GPC5: variants seen among roughly 807,000 people sequenced by gnomAD.
The protein encoded by GPC5 is glypican 5.
GPC5 carries 47 observed loss-of-function variants against 53.9 expected under a neutral mutation model. The observed-to-expected ratio is 0.87, with a 90% CI of 0.69 to 1.11. The LOEUF (loss-of-function observed/expected upper bound fraction) is 1.11. GPC5 is among the 50% of genes most tolerant of loss of function. The pLI is 0.00. For missense variants in GPC5, 748 were observed against 713.1 expected (o/e 1.05, Z -0.56); for synonymous variants, 286 against 263.3 (o/e 1.09, Z -0.84).
intron 7 of GPC5, among the ~76,000 whole-genome samples, chr13:92,206,159 TTTTTTTTA>T (rs1354223834): frequency 1.1e-3 from 64 of 56,772 alleles, no homozygotes; most frequent in African/African-American, 6.3e-3. Flanking sequence ...TTTTTTATTT[TTTTTTTTA>T]TTTTTTTTTT....
intron 2 of GPC5, among the ~76,000 whole-genome samples, chr13:91,680,335 G>C (rs1402860169): frequency 6.6e-6 from 1 of 152,180 alleles, no homozygotes; most frequent in African/African-American, 2.4e-5. Context: ...TGTAATCCCA[G>C]CTACTCTGGA....
At chr13:92,484,502 G>T (rs1879479869) in intron 7 of GPC5, 1 of 152,110 alleles carries the variant, frequency 6.6e-6, no homozygotes, top group Non-Finnish European at 1.5e-5. Context: ...AGCTCAGTAG[G>T]TTTGTCTACA....
At position 92,364,810 on chromosome 13, in the gene GPC5, A is replaced by G. The variant is rs538725664; in HGVS notation, c.1561+219821A>G. 1.4e-4 allele frequency among the ~76,000 whole-genome samples: 21 copies of G among 151,954 alleles called. 1 individual carries two copies. Among genetic ancestry groups the G allele is most frequent in the African/African-American group, 5.1e-4 (21 of 41,218 alleles). On this transcript the variant is annotated intron_variant, in intron 7 of 7. Transcript: ENST00000377067. ...CATTTTTATCTTTTCCACCTTTCCA[A>G]TAAAGGATTTAGCATTGATCTTAAA...
chr13:92,406,097 T>A (rs1023011), intron 7 of GPC5, among the ~76,000 whole-genome samples: 6,598 of 152,316 alleles, frequency 0.043, 201 homozygotes, highest in East Asian at 0.16. Flanking sequence ...CCCTTTGTGT[T>A]CTGCACTGAT....
intron 7 of GPC5, among the ~76,000 whole-genome samples, chr13:92,816,290 T>C (rs1877472022): frequency 6.6e-6 from 1 of 152,104 alleles, no homozygotes. Context: ...CATGTAACTC[T>C]GGGTCTGTTG....
intron 2 of GPC5, among the ~76,000 whole-genome samples, chr13:91,672,560 A>G (rs910230491): frequency 3.3e-5 from 5 of 152,128 alleles, no homozygotes; most frequent in African/African-American, 7.2e-5. Flanking sequence ...AGTCAGAATG[A>G]TGATTATTAA....
intron 6 of GPC5, among the ~76,000 whole-genome samples, chr13:91,956,659 G>C (rs1332732760): frequency 6.6e-6 from 1 of 152,160 alleles, no homozygotes; most frequent in African/African-American, 2.4e-5. Context: ...CTTTACCACA[G>C]CTTCCTCTAA....
intron 2 of GPC5, among the ~76,000 whole-genome samples, chr13:91,691,054 G>C (rs2035746922): frequency 6.6e-6 from 1 of 152,130 alleles, no homozygotes; most frequent in Admixed American, 6.5e-5. Flanking sequence ...AAACATACAG[G>C]CTTGGCAGTT....
At chr13:92,396,513 T>C (rs1347647172) in intron 7 of GPC5, among the ~76,000 whole-genome samples, 1 of 151,854 alleles carries the variant, frequency 6.6e-6, no homozygotes, top group Non-Finnish European at 1.5e-5. Flanking sequence ...TTTTTTTTCA[T>C]CTTAATGACT....
At chr13:92,109,693 G>A (rs546152351) in intron 6 of GPC5, among the ~76,000 whole-genome samples, 84 of 152,128 alleles carry the variant, frequency 5.5e-4, no homozygotes, top group African/African-American at 2.0e-3. Flanking sequence ...CCCCATTACC[G>A]TAGTCTTTCA....
At chr13:92,440,136 T>C (rs532302621) in intron 7 of GPC5, among the ~76,000 whole-genome samples, 191 of 152,328 alleles carry the variant, frequency 1.3e-3, no homozygotes, top group African/African-American at 4.4e-3. Context: ...GGGGTTCATA[T>C]GCAGGTGCAT....
chr13:91,820,673 T>A (rs2038477948), intron 5 of GPC5, among the ~76,000 whole-genome samples: 1 of 152,110 alleles, frequency 6.6e-6, no homozygotes, highest in Admixed American at 6.6e-5. Flanking sequence ...TTCAAGAATA[T>A]ACTTCCAGGG....
intron 2 of GPC5, among the ~76,000 whole-genome samples, chr13:91,480,272 A>T (rs546111494): frequency 6.6e-6 from 1 of 152,328 alleles, no homozygotes; most frequent in South Asian, 2.1e-4. Context: ...TGGACAGGGC[A>T]TTTCTTCTAA....
At chr13:91,767,676 C>G (rs1362448439) in intron 5 of GPC5, among the ~76,000 whole-genome samples, 1 of 152,188 alleles carries the variant, frequency 6.6e-6, no homozygotes, top group Non-Finnish European at 1.5e-5. Context: ...TGTGTCTACT[C>G]AGTTTCTTGC....
chr13:91,908,129 A>G, intron 6 of GPC5, 72 bp downstream of exon 6: 2 of 1,228,118 alleles, frequency 1.6e-6, no homozygotes, highest in Non-Finnish European at 2.2e-6. Flanking sequence ...GTTATATTTG[A>G]TAAATTTGTT....
chr13:91,544,221 G>C (rs1430739111), intron 2 of GPC5, among the ~76,000 whole-genome samples: 5 of 141,118 alleles, frequency 3.5e-5, no homozygotes, highest in East Asian at 2.2e-4. Context: ...AATTGACTTA[G>C]GAATTTTGTT....
At chr13:92,316,405 C>T (rs972023482) in intron 7 of GPC5, among the ~76,000 whole-genome samples, 4 of 152,110 alleles carry the variant, frequency 2.6e-5, no homozygotes, top group African/African-American at 7.2e-5. Flanking sequence ...TCTTTAGCTT[C>T]TAGCATTAAG....
At chr13:92,211,314 T>G (rs1225888529) in intron 7 of GPC5, among the ~76,000 whole-genome samples, 1 of 152,098 alleles carries the variant, frequency 6.6e-6, no homozygotes, top group Non-Finnish European at 1.5e-5. Context: ...ATTAAAAGTG[T>G]TTTTTGGCTG....
intron 7 of GPC5, among the ~76,000 whole-genome samples, chr13:92,500,002 A>G (rs1880121570): frequency 6.6e-6 from 1 of 152,206 alleles, no homozygotes; most frequent in Non-Finnish European, 1.5e-5. Flanking sequence ...TGACAGATAG[A>G]TTGGAAAAAA....
Sources: gnomAD v4.1 joint callset for allele counts (sites outside exome capture counted in the v4.1 genomes callset) on GRCh38, gnomAD v4.1.1 for gene constraint, MANE v1.5 for transcripts, NCBI Gene and HGNC (gene_info 2026-07-23, HGNC 2026-07-21) for gene names.